Variants in TAP1 observed in about 807,000 individuals in gnomAD.
TAP1 encodes antigen peptide transporter 1.
A neutral mutation model predicts 79.3 loss-of-function variants in TAP1; 56 were observed. That is an observed-to-expected ratio of 0.71 (90% CI 0.57 to 0.88). The LOEUF (loss-of-function observed/expected upper bound fraction) is 0.88. Ranked by LOEUF, TAP1 falls within the 40% of genes least tolerant of loss-of-function variation. The pLI is 0.00. For missense variants in TAP1, 737 were observed against 936.3 expected, an observed-to-expected ratio of 0.79 and a Z score of 2.78; for synonymous variants, 355 against 401.4, an observed-to-expected ratio of 0.88 and a Z score of 1.38.
chr6:32,850,919 G>C lies in TAP1; in HGVS notation c.1050+25C>G. ...AGTCTGGGAGATGAGGGTCTGTGTA[G>C]AGCGGGCCAACTCCATGAACATACC... is the stretch of plus-strand genomic sequence containing the variant. On this transcript the variant is annotated intron_variant, in intron 4 of 10. Transcript: ENST00000354258. The surrounding 1 kb of genome is among the most constrained non-coding windows in gnomAD (Gnocchi z 5.5). 3 of 1,602,424 alleles carry C rather than the reference G, an allele frequency of 1.9e-6. No individual in the cohort carries two copies. The highest frequency in any genetic ancestry group is 2.6e-6 in the Non-Finnish European group (3 of 1,171,602).
chr6:32,853,320 G>A lies in TAP1; in HGVS notation c.317C>T (p.Ala106Val). 6.3e-7 allele frequency: 1 copy of A among 1,579,682 alleles called. No individual in the cohort carries two copies. The highest frequency in any genetic ancestry group is 8.6e-7 in the Non-Finnish European group (1 of 1,162,340). Residue 106 changes from alanine (A) to valine (V), a missense_variant, in exon 1 of 11, where the codon GCC (alanine) becomes GTC (valine). Coordinates refer to ENST00000354258, the MANE Select transcript of TAP1 (RefSeq NM_000593.6). The surrounding 1 kb of genome is among the most constrained non-coding windows in gnomAD (Gnocchi z 8.3). ...TCGGAACAAGGCAAGTCCCGGCAGG[G>A]CCAAGCCCAGTGCCGCAGCTAATGG... is the stretch of plus-strand genomic sequence containing the variant. ...LKPLAAALGL[A>V]LPGLALFREL... is the part of the protein sequence containing the mutation.
At position 32,853,297 on chromosome 6, in the gene TAP1, G is replaced by C. The variant is rs530160235; in HGVS notation, c.340C>G (p.Arg114Gly). ...GLALPGLALFRELISWGAPGS... is the reference protein window; with the variant it reads ...GLALPGLALFGELISWGAPGS... ...GGGGCTCCCCATGAGATCAGCTCTC[G>C]GAACAAGGCAAGTCCCGGCAGGGCC... The change falls in exon 1 of 11, where the codon CGA becomes GGA. Residue 114 changes from arginine (R) to glycine (G), a missense_variant. Arg to Gly is a moderately radical substitution (Grantham distance 125, BLOSUM62 -2). This residue lies in a region of TAP1 where 406 missense variants were observed against 477.2 expected (regional missense o/e 0.85). Transcript: ENST00000354258. This position sits in a 1 kb window ranked among gnomAD's most constrained non-coding sequence, Gnocchi z 8.3. 1.3e-6 allele frequency: 2 copies of C among 1,582,074 alleles called. No individual in the cohort carries two copies. The highest frequency in any genetic ancestry group is 1.7e-6 in the Non-Finnish European group (2 of 1,163,424).
In TAP1 at chr6:32,853,528, G is replaced by A. The variant is rs923642035; in HGVS notation, c.109C>T (p.Arg37Trp). 1.9e-6 allele frequency: 3 copies of A among 1,609,678 alleles called. No homozygotes were observed. Among genetic ancestry groups the A allele is most frequent in the Non-Finnish European group, 1.7e-6 (2 of 1,177,460 alleles). The part of the protein sequence containing the change: ...LLLLADWVLL[R>W]TALPRIFSLL... ...GAGAATATGCGGGGCAGCGCGGTCC[G>A]GAGCAGCACCCAGTCGGCGAGAAGT... The change falls in exon 1 of 11, where the codon CGG (arginine) becomes TGG (tryptophan). Residue 37 changes from arginine (R) to tryptophan (W), a missense_variant. Physicochemically the swap from Arg to Trp is moderately radical, Grantham distance 101. This residue lies in a region of TAP1 where 45 missense variants were observed against 60.2 expected (regional missense o/e 0.75). Transcript: ENST00000354258. The surrounding 1 kb of genome is among the most constrained non-coding windows in gnomAD (Gnocchi z 8.3).
In TAP1 at chr6:32,853,436, C is replaced by G. The variant is rs762430843; in HGVS notation, c.201G>C (p.Val67=). The change falls in exon 1 of 11, where the codon GTG becomes GTC. Residue 67 remains valine, a synonymous_variant. Coordinates refer to ENST00000354258, the MANE Select transcript of TAP1 (RefSeq NM_000593.6). The surrounding 1 kb of genome is among the most constrained non-coding windows in gnomAD (Gnocchi z 8.3). The part of the protein sequence containing the change: ...VWAVGLSRWA[V]LWLGACGVLR... ...GGACCCCGCAGGCCCCCAGCCAGAG[C>G]ACGGCCCAGCGGCTCAGGCCCACCG... 23 of 1,611,976 alleles carry G rather than the reference C, an allele frequency of 1.4e-5. 1 individual carries two copies. In the South Asian group the frequency reaches 2.3e-4, roughly 16 times the overall value.
Position 32,847,092 on chromosome 6 carries a change from G to A in TAP1, c.2016C>T (p.Ala672=). The A allele has an allele frequency of 6.2e-7, 1 of 1,612,906 alleles. No homozygotes were observed. The highest frequency in any genetic ancestry group is 1.3e-5 in the African/African-American group (1 of 75,036). Residue 672 remains alanine, a synonymous_variant, in exon 10 of 11, where the codon GCC becomes GCT. Coordinates refer to ENST00000354258, the MANE Select transcript of TAP1 (RefSeq NM_000593.6). The surrounding 1 kb of genome is among the most constrained non-coding windows in gnomAD (Gnocchi z 4.7). ...CCTGTAACTGGCTGTTTGCATCCAG[G>A]GCACTGGTGGCATCATCCAGGATAA... ...CVLILDDATS[A]LDANSQLQVE... is the part of the protein sequence containing the mutation.
At position 32,853,246 on chromosome 6, in the gene TAP1, G is replaced by A. The variant is rs559665730; in HGVS notation, c.391C>T (p.Leu131=). 1 of 1,603,712 alleles carries A rather than the reference G, an allele frequency of 6.2e-7. No individual in the cohort carries two copies. Among genetic ancestry groups the A allele is most frequent in the Admixed American group, 1.7e-5 (1 of 58,608 alleles). Reference sequence around the variant, plus strand: ...GCGGTAGGGTGACTTCCCCAGTGCAGTAGCCTGGTGCTATCCGCGGACCCG... The same window carrying A: ...GCGGTAGGGTGACTTCCCCAGTGCAATAGCCTGGTGCTATCCGCGGACCCG... ...APGSADSTRL[L]HWGSHPTAFV... is the part of the protein sequence containing the mutation. Residue 131 remains leucine (L), a synonymous_variant, in exon 1 of 11, where the codon CTG becomes TTG. Transcript: ENST00000354258. This position sits in a 1 kb window ranked among gnomAD's most constrained non-coding sequence, Gnocchi z 8.3.
In TAP1 at chr6:32,851,224, G is replaced by C. The variant is rs56300566; in HGVS notation, c.845-75C>G. ...GATGAGACGAACTAACAATGAGCCA[G>C]GATGCCAGGGTCAGGGGTGTCAACA... On this transcript the variant is annotated intron_variant, in intron 3 of 10. Coordinates refer to ENST00000354258, the MANE Select transcript of TAP1 (RefSeq NM_000593.6). This position sits in a 1 kb window ranked among gnomAD's most constrained non-coding sequence, Gnocchi z 4.8. 0.031 allele frequency: 44,851 copies of C among 1,448,282 alleles called. 860 individuals are homozygous for C. The highest frequency in any genetic ancestry group is 0.061 in the South Asian group (5,150 of 84,380). The allele number at this position is 1,448,282 out of a possible 1,614,324, so 89.7% of individuals were successfully genotyped here.
chr6:32,847,750 A>G lies in TAP1; in HGVS notation c.1741-75T>C. 1.3e-6 allele frequency: 2 copies of G among 1,585,472 alleles called. No homozygotes were observed. The highest frequency in any genetic ancestry group is 1.7e-6 in the Non-Finnish European group (2 of 1,156,082). The stretch of plus-strand genomic sequence containing the variant: ...GGTTATCTAGAGATCGAAGACTCAA[A>G]ATCTTTATTGAGAACATGTCACAAA... On this transcript the variant is annotated intron_variant, in intron 8 of 10. Coordinates refer to ENST00000354258, the MANE Select transcript of TAP1 (RefSeq NM_000593.6). This position sits in a 1 kb window ranked among gnomAD's most constrained non-coding sequence, Gnocchi z 4.7.
chr6:32,851,894 A>G lies in TAP1; in HGVS notation c.844+215T>C, dbSNP rs79104449. On this transcript the variant is annotated intron_variant, in intron 3 of 10. Coordinates refer to ENST00000354258, the MANE Select transcript of TAP1 (RefSeq NM_000593.6). This position sits in a 1 kb window ranked among gnomAD's most constrained non-coding sequence, Gnocchi z 4.8. ...ATTTTGCTCCTGAGGTATATCAAGA[A>G]TGAGAAAAACAATTGTGTGTGTGTG... is the stretch of plus-strand genomic sequence containing the variant. Among the ~76,000 whole-genome samples the G allele has an allele frequency of 9.9e-5, 15 of 150,952 alleles. No homozygotes were observed. In the East Asian group the frequency reaches 2.9e-3, roughly 29 times the overall value.
chr6:32,853,469 C>T lies in TAP1; in HGVS notation c.168G>A (p.Arg56=). The T allele has an allele frequency of 6.2e-7, 1 of 1,610,686 alleles. No homozygotes were observed. Among genetic ancestry groups the T allele is most frequent in the East Asian group, 2.2e-5 (1 of 44,792 alleles). The change falls in exon 1 of 11, where the codon CGG becomes CGA. Residue 56 remains arginine (R), a synonymous_variant. Coordinates refer to ENST00000354258, the MANE Select transcript of TAP1 (RefSeq NM_000593.6). This position sits in a 1 kb window ranked among gnomAD's most constrained non-coding sequence, Gnocchi z 8.3. ...LLVPTALPLL[R]VWAVGLSRWA... is the part of the protein sequence containing the mutation. ...AGCGGCTCAGGCCCACCGCCCAGACCCGGAGCAGTGGCAGCGCGGTGGGCA... is the reference window on the plus strand; with the variant it reads ...AGCGGCTCAGGCCCACCGCCCAGACTCGGAGCAGTGGCAGCGCGGTGGGCA...
chr6:32,853,278 C>T lies in TAP1; in HGVS notation c.359G>A (p.Gly120Glu), dbSNP rs1049776834. The change falls in exon 1 of 11, where the codon GGA (glycine) becomes GAA (glutamate). Residue 120 changes from glycine to glutamate, a missense_variant. Coordinates refer to ENST00000354258, the MANE Select transcript of TAP1 (RefSeq NM_000593.6). The surrounding 1 kb of genome is among the most constrained non-coding windows in gnomAD (Gnocchi z 8.3). ...LALFRELISWGAPGSADSTRL... is the reference protein window; with the variant it reads ...LALFRELISWEAPGSADSTRL... Reference sequence around the variant, plus strand: ...GGTGCTATCCGCGGACCCGGGGGCTCCCCATGAGATCAGCTCTCGGAACAA... The same window carrying T: ...GGTGCTATCCGCGGACCCGGGGGCTTCCCATGAGATCAGCTCTCGGAACAA... 4.4e-6 allele frequency: 7 copies of T among 1,586,626 alleles called. No homozygotes were observed. Among genetic ancestry groups the T allele is most frequent in the Non-Finnish European group, 6.0e-6 (7 of 1,165,810 alleles).
Position 32,848,984 on chromosome 6 carries a change from C to A in TAP1, c.1377+6G>T. 6.2e-7 allele frequency: 1 copy of A among 1,612,650 alleles called. No homozygotes were observed. Among genetic ancestry groups the A allele is most frequent in the Non-Finnish European group, 8.5e-7 (1 of 1,179,610 alleles). ...ACACTGGGGAGTGAAGGTGGAGGGA[C>A]CTCACCTCCACAGCCTGGGTGAACT... On this transcript the variant is annotated splice_donor_region_variant and intron_variant, in intron 6 of 10. Transcript: ENST00000354258.
At position 32,845,801 on chromosome 6, in the gene TAP1, G is replaced by A. The variant is rs780480320; in HGVS notation, c.2041-16C>T. The stretch of plus-strand genomic sequence containing the variant: ...GCTGCTCCACCTGAGGAAAGACATC[G>A]GACCGTCAGAGCCGGGGACTACCCT... On this transcript the variant is annotated splice_polypyrimidine_tract_variant and intron_variant, in intron 10 of 10. Coordinates refer to ENST00000354258, the MANE Select transcript of TAP1 (RefSeq NM_000593.6). The surrounding 1 kb of genome is among the most constrained non-coding windows in gnomAD (Gnocchi z 4.5). 9 of 1,607,076 alleles carry A rather than the reference G, an allele frequency of 5.6e-6. No individual in the cohort carries two copies. Among genetic ancestry groups the A allele is most frequent in the African/African-American group, 1.3e-5 (1 of 74,858 alleles).
In TAP1 at chr6:32,851,179, G is replaced by A. The variant is rs1770761400; in HGVS notation, c.845-30C>T. ...AGGGTTGGGGAGAAGAGAGTGAGGT[G>A]AATCAGACAGGTTCCAAGTGATGAG... On this transcript the variant is annotated intron_variant, in intron 3 of 10. Coordinates refer to ENST00000354258, the MANE Select transcript of TAP1 (RefSeq NM_000593.6). This position sits in a 1 kb window ranked among gnomAD's most constrained non-coding sequence, Gnocchi z 4.8. 1 of 1,605,454 alleles carries A rather than the reference G, an allele frequency of 6.2e-7. No homozygotes were observed. Among genetic ancestry groups the A allele is most frequent in the Non-Finnish European group, 8.5e-7 (1 of 1,174,158 alleles).
In TAP1 at chr6:32,853,690, G is replaced by T; in HGVS notation, c.-54C>A. On this transcript the variant is annotated 5_prime_UTR_variant, in exon 1 of 11. Coordinates refer to ENST00000354258, the MANE Select transcript of TAP1 (RefSeq NM_000593.6). This position sits in a 1 kb window ranked among gnomAD's most constrained non-coding sequence, Gnocchi z 8.3. ...CCGGGCCTGGGACTCTCCGCGCCCCGGTGGGGCCTGAAGCTCCGGGTACCG... is the reference window on the plus strand; with the variant it reads ...CCGGGCCTGGGACTCTCCGCGCCCCTGTGGGGCCTGAAGCTCCGGGTACCG... 1 of 1,573,162 alleles carries T rather than the reference G, an allele frequency of 6.4e-7. No individual in the cohort carries two copies. Among genetic ancestry groups the T allele is most frequent in the East Asian group, 2.3e-5 (1 of 42,864 alleles).
At chr6:32,848,572 CAGG>C in intron 7 of TAP1, 77 bp downstream of exon 7, 5 of 1,448,836 alleles carry the variant, frequency 3.5e-6, no homozygotes, top group South Asian at 2.3e-5. Flanking sequence ...TGGCAGTAAG[CAGG>C]CTGAAGGCAG....
In TAP1 at chr6:32,853,141, G is replaced by T. The variant is rs929230971; in HGVS notation, c.496C>A (p.Gln166Lys). ...CGCACAGGGTTTCCAGAGCCGCCCT[G>T]ACCGCCGGGCACCCAGAGGCTCCCG... is the stretch of plus-strand genomic sequence containing the variant. ...KLGSLWVPGG[Q>K]GGSGNPVRRL... Residue 166 changes from glutamine (Q) to lysine (K), a missense_variant, in exon 1 of 11, where the codon CAG (glutamine) becomes AAG (lysine). By Grantham distance (53) the Gln-to-Lys change is moderately conservative. Around this residue, in one of 5 missense-constraint regions of TAP1, gnomAD observed 406 missense variants for 477.2 expected, o/e 0.85. Coordinates refer to ENST00000354258, the MANE Select transcript of TAP1 (RefSeq NM_000593.6). This position sits in a 1 kb window ranked among gnomAD's most constrained non-coding sequence, Gnocchi z 8.3. 1 of 1,612,580 alleles carries T rather than the reference G, an allele frequency of 6.2e-7. No homozygotes were observed. Among genetic ancestry groups the T allele is most frequent in the African/African-American group, 1.3e-5 (1 of 74,926 alleles).
At position 32,848,077 on chromosome 6, in the gene TAP1, G is replaced by C. The variant is rs1179882145; in HGVS notation, c.1582C>G (p.Leu528Val). Residue 528 changes from leucine to valine, a missense_variant, in exon 8 of 11, where the codon CTA becomes GTA. By Grantham distance (32) the Leu-to-Val change is conservative. This residue lies in a region of TAP1 where 266 missense variants were observed against 332.4 expected (regional missense o/e 0.80). Transcript: ENST00000354258. ...VLVLQGLTFT[L>V]RPGEVTALVG... ...AGCGCCGTCACCTCGCCAGGGCGTA[G>C]GGTGAATGTCAGCCCCTAGAGGCCA... is the stretch of plus-strand genomic sequence containing the variant. 4.4e-6 allele frequency: 7 copies of C among 1,607,986 alleles called. No homozygotes were observed. Among genetic ancestry groups the C allele is most frequent in the African/African-American group, 1.3e-5 (1 of 74,756 alleles).
In TAP1 at chr6:32,850,655, C is replaced by A. The variant is rs4148881; in HGVS notation, c.1051-138G>T. ...AAAGAGAAAGAGACACAGCTATGCC[C>A]CTTGGATGCTAAAGAAATACGAGGA... On this transcript the variant is annotated intron_variant, in intron 4 of 10. Transcript: ENST00000354258. This position sits in a 1 kb window ranked among gnomAD's most constrained non-coding sequence, Gnocchi z 5.5. 0.034 allele frequency: 27,544 copies of A among 811,190 alleles called. 685 individuals are homozygous for A. Among genetic ancestry groups the A allele is most frequent in the South Asian group, 0.084 (5,716 of 68,418 alleles). The allele number at this position is 811,190 out of a possible 1,614,324, so 50.2% of individuals were successfully genotyped here.
Sources: gnomAD v4.1 joint callset for allele counts (sites outside exome capture counted in the v4.1 genomes callset) on GRCh38, gnomAD v4.1.1 for gene constraint, gnomAD v4.1.1 regional missense constraint, Gnocchi (gnomAD v3.1) non-coding constraint, MANE v1.5 for transcripts, NCBI Gene and HGNC (gene_info 2026-07-23, HGNC 2026-07-21) for gene names.